Variants in EFCAB14 observed in about 807,000 individuals in gnomAD.
EFCAB14 encodes EF-hand calcium binding domain 14, also known as EF-hand calcium-binding domain-containing protein 14.
EFCAB14 carries 43 observed loss-of-function variants against 56.5 expected under a neutral mutation model. The ratio of observed to expected loss-of-function variants is 0.76; its 90% confidence interval spans 0.60 to 0.98. EFCAB14 has a LOEUF of 0.98. Ranked by LOEUF, EFCAB14 falls within the 50% of genes least tolerant of loss-of-function variation. The pLI, the probability that EFCAB14 is intolerant of heterozygous loss-of-function variation, is 0.00. For synonymous variants in EFCAB14, 235 were observed against 212.9 expected, an observed-to-expected ratio of 1.10 and a Z score of -0.90; for missense variants, 538 against 580.3, an observed-to-expected ratio of 0.93 and a Z score of 0.75.
chr1:46,686,918 A>G, intron 7 of EFCAB14, 48 bp from the exon 8 acceptor site: 1 of 1,566,990 alleles, frequency 6.4e-7, no homozygotes, highest in Non-Finnish European at 8.8e-7. Context: ...GATTAAAGGC[A>G]AACATTAAAA....
chr1:46,710,016 C>T (rs1242206801), intron 2 of EFCAB14, among the ~76,000 whole-genome samples: 2 of 151,966 alleles, frequency 1.3e-5, no homozygotes, highest in East Asian at 1.9e-4. Flanking sequence ...CAAACAAAAC[C>T]AAATAAAAAA....
intron 4 of EFCAB14, chr1:46,692,180 A>G (rs1029781067): frequency 2.8e-6 from 1 of 352,416 alleles, no homozygotes; most frequent in African/African-American, 2.1e-5. Flanking sequence ...ACAATAAATC[A>G]GTCTTCATTT....
At chr1:46,699,302 G>A (rs544282076) in intron 3 of EFCAB14, among the ~76,000 whole-genome samples, 1 of 152,306 alleles carries the variant, frequency 6.6e-6, no homozygotes, top group African/African-American at 2.4e-5. Flanking sequence ...GGTTAGAAGG[G>A]TGAGGGTGGC....
intron 8 of EFCAB14, among the ~76,000 whole-genome samples, chr1:46,685,791 T>C (rs1417749846): frequency 6.6e-6 from 1 of 152,158 alleles, no homozygotes; most frequent in Non-Finnish European, 1.5e-5. Context: ...TGCTCAAAAT[T>C]TACATCTGGC....
intron 9 of EFCAB14, 161 bp downstream of exon 9, chr1:46,684,330 C>A: frequency 1.7e-6 from 1 of 597,884 alleles, no homozygotes; most frequent in Non-Finnish European, 3.0e-6. Flanking sequence ...CAAAATGGGC[C>A]TTTTCTAAAT....
intron 3 of EFCAB14, among the ~76,000 whole-genome samples, chr1:46,705,169 CAG>C (rs957132939): frequency 5.9e-5 from 9 of 152,220 alleles, no homozygotes; most frequent in African/African-American, 2.2e-4. Flanking sequence ...ACCACTCAGA[CAG>C]AGAGTGCTGA....
rs376053046 is a variant in EFCAB14 at position 46,700,976 on chromosome 1, A to T, written c.481-4327T>A. Among the ~76,000 whole-genome samples, 331 of 120,938 alleles carry T rather than the reference A, an allele frequency of 2.7e-3. 1 individual carries two copies. The highest frequency in any genetic ancestry group is 8.3e-3 in the East Asian group (37 of 4,440). The allele number at this position is 120,938 out of a possible 152,430, so 79.3% of individuals were successfully genotyped here. A position where few individuals can be genotyped will look rare whatever the true frequency, so the allele number is the denominator to read the frequency against. Reference sequence around the variant, plus strand: ...GGGCATGAGAGAGAGAGAGAGAGAGAGAGTGAGTGAGTGTGTGTGTGTGTG... The same window carrying T: ...GGGCATGAGAGAGAGAGAGAGAGAGTGAGTGAGTGAGTGTGTGTGTGTGTG... On this transcript the variant is annotated intron_variant, in intron 3 of 10. Coordinates refer to ENST00000371933, the MANE Select transcript of EFCAB14 (RefSeq NM_014774.3).
At chr1:46,687,742 A>C (rs1557441648) in intron 7 of EFCAB14, among the ~76,000 whole-genome samples, 1 of 152,198 alleles carries the variant, frequency 6.6e-6, no homozygotes, top group Non-Finnish European at 1.5e-5. Context: ...CAATATGAAA[A>C]TCAGTAAGCC....
At position 46,689,584 on chromosome 1, in the gene EFCAB14, C is replaced by T; in HGVS notation, c.795+3G>A. The T allele has an allele frequency of 1.2e-6, 2 of 1,613,634 alleles. No individual in the cohort carries two copies. The highest frequency in any genetic ancestry group is 2.7e-5 in the African/African-American group (2 of 75,016). ...AGGGAGTTAAGCCAGAGATAAAAAG[C>T]ACCTGTTTCAAATTCTCACTGTGGG... On this transcript the variant is annotated splice_donor_region_variant and intron_variant, in intron 6 of 10. Coordinates refer to ENST00000371933, the MANE Select transcript of EFCAB14 (RefSeq NM_014774.3).
chr1:46,697,763 T>A (rs1289272451), intron 3 of EFCAB14, among the ~76,000 whole-genome samples: 1 of 151,912 alleles, frequency 6.6e-6, no homozygotes, highest in Non-Finnish European at 1.5e-5. Context: ...TCATGGAGCA[T>A]ACATCCTAGT....
At chr1:46,698,243 G>A (rs564934139) in intron 3 of EFCAB14, among the ~76,000 whole-genome samples, 13 of 152,132 alleles carry the variant, frequency 8.5e-5, no homozygotes, top group Admixed American at 4.6e-4. Flanking sequence ...CTGGGAACTC[G>A]GGAACTCAAG....
intron 3 of EFCAB14, 33 bp downstream of exon 3, chr1:46,707,873 T>C (rs1241595710): frequency 6.3e-6 from 10 of 1,595,914 alleles, no homozygotes; most frequent in Non-Finnish European, 8.5e-6. Flanking sequence ...CAAATATTCA[T>C]AGCTTACACA....
At chr1:46,698,859 TA>T (rs1429920836) in intron 3 of EFCAB14, among the ~76,000 whole-genome samples, 1 of 152,160 alleles carries the variant, frequency 6.6e-6, no homozygotes, top group African/African-American at 2.4e-5. Context: ...GTAAGCAGGA[TA>T]ATTACATGAA....
At position 46,707,329 on chromosome 1, in the gene EFCAB14, T is replaced by C. The variant is rs148373746; in HGVS notation, c.480+577A>G. Reference sequence around the variant, plus strand: ...ATACAAGATGCTTGATCAACATCCTTAGAATAAGCCTTTATTCTCTGGCAG... The same window carrying C: ...ATACAAGATGCTTGATCAACATCCTCAGAATAAGCCTTTATTCTCTGGCAG... On this transcript the variant is annotated intron_variant, in intron 3 of 10. Coordinates refer to ENST00000371933, the MANE Select transcript of EFCAB14 (RefSeq NM_014774.3). 1.1e-4 allele frequency among the ~76,000 whole-genome samples: 16 copies of C among 152,342 alleles called. 1 individual carries two copies. In the East Asian group the frequency reaches 3.1e-3, roughly 29 times the overall value.
At chr1:46,694,509 C>G (rs1410850931) in intron 4 of EFCAB14, among the ~76,000 whole-genome samples, 2 of 152,150 alleles carry the variant, frequency 1.3e-5, no homozygotes. Flanking sequence ...CACAGAAATG[C>G]AAATCAAAAC....
intron 9 of EFCAB14, among the ~76,000 whole-genome samples, chr1:46,683,633 G>A (rs938486675): frequency 3.3e-5 from 5 of 152,184 alleles, no homozygotes; most frequent in African/African-American, 1.2e-4. Flanking sequence ...ATTATATTAC[G>A]TTAAGGTTTG....
At chr1:46,716,980 G>A (rs946613372) in intron 1 of EFCAB14, among the ~76,000 whole-genome samples, 2 of 152,206 alleles carry the variant, frequency 1.3e-5, no homozygotes, top group African/African-American at 2.4e-5. Flanking sequence ...AGGAAACATA[G>A]AAGGGGCTGG....
rs770832349 is a variant in EFCAB14, at chr1:46,717,988, T to G, written c.100A>C (p.Thr34Pro). 15 of 1,614,094 alleles carry G rather than the reference T, an allele frequency of 9.3e-6. No individual in the cohort carries two copies. The highest frequency in any genetic ancestry group is 4.5e-5 in the East Asian group (2 of 44,888). Residue 34 changes from threonine (T) to proline (P), a missense_variant, in exon 1 of 11, where the codon ACT becomes CCT. Coordinates refer to ENST00000371933, the MANE Select transcript of EFCAB14 (RefSeq NM_014774.3). ...TCAGAGTCTGAGTCGGGAGGCTCAG[T>G]GCGAAGCAGGCGGTGACTGCTTGGG... ...KGPSSHRLLRTEPPDSDSESS... is the reference protein window; with the variant it reads ...KGPSSHRLLRPEPPDSDSESS...
At chr1:46,689,491 T>C in intron 6 of EFCAB14, 96 bp downstream of exon 6, 1 of 1,133,312 alleles carries the variant, frequency 8.8e-7, no homozygotes, top group Non-Finnish European at 1.3e-6. Flanking sequence ...AAATACAGGA[T>C]GCACCTGCTG....
Sources: allele counts gnomAD v4.1 joint callset (sites outside exome capture counted in the v4.1 genomes callset), GRCh38; gene constraint gnomAD v4.1.1; transcripts MANE v1.5; gene names NCBI Gene and HGNC (gene_info 2026-07-23, HGNC 2026-07-21).